GRID2IP: variants seen among roughly 807,000 people sequenced by gnomAD.
The protein encoded by GRID2IP is delphilin.
A neutral mutation model predicts 114.3 loss-of-function variants in GRID2IP; 78 were observed. That is an observed-to-expected ratio of 0.68 (90% CI 0.57 to 0.82). GRID2IP has a LOEUF of 0.82. Ranked by LOEUF, GRID2IP falls within the 40% of genes least tolerant of loss-of-function variation. The probability of loss-of-function intolerance (pLI) is 0.00; values close to 1 mark genes in which losing one functional copy is unlikely to be tolerated. For synonymous variants in GRID2IP, 809 were observed against 724.0 expected (o/e 1.12, Z -1.89); for missense variants, 1,727 against 1,678.5 (o/e 1.03, Z -0.51).
rs964427275 is a variant in GRID2IP at position 6,497,326 on chromosome 7, C to T, written c.*448G>A. 1.0e-4 allele frequency: 16 copies of T among 155,074 alleles called. No homozygotes were observed. Among genetic ancestry groups the T allele is most frequent in the Admixed American group, 4.5e-4 (7 of 15,408 alleles). The allele number at this position is 155,074 out of a possible 1,614,324, so 9.6% of individuals were successfully genotyped here. On this transcript the variant is annotated 3_prime_UTR_variant, in exon 22 of 22. Coordinates refer to ENST00000457091, the MANE Select transcript of GRID2IP (RefSeq NM_001145118.2). ...CACATCCCCAGGGCCCCTCTACATC[C>T]GGCTTTCTGCCCTCTCGCGTCTCGC...
In GRID2IP at chr7:6,526,408, C is replaced by T; in HGVS notation, c.834-99G>A. ...GTCCCTCTCCCCTTAACCTCTCCGG[C>T]CCCCTATGCACCCCAGATGCCCAGC... On this transcript the variant is annotated intron_variant, in intron 3 of 21. Transcript: ENST00000457091. The surrounding 1 kb of genome is among the most constrained non-coding windows in gnomAD (Gnocchi z 7.6). 2.1e-5 allele frequency: 31 copies of T among 1,508,464 alleles called. No homozygotes were observed. Among genetic ancestry groups the T allele is most frequent in the Non-Finnish European group, 2.8e-5 (31 of 1,118,818 alleles). The allele number at this position is 1,508,464 out of a possible 1,614,324, so 93.4% of individuals were successfully genotyped here. A position where few individuals can be genotyped will look rare whatever the true frequency, so the allele number is the denominator to read the frequency against.
chr7:6,535,657 G>A (rs1309237178), intron 2 of GRID2IP, among the ~76,000 whole-genome samples: 1 of 152,140 alleles, frequency 6.6e-6, no homozygotes, highest in Admixed American at 6.6e-5. Flanking sequence ...CTTGAGGCCA[G>A]GCCAACCTGG....
chr7:6,502,771 G>A lies in GRID2IP; in HGVS notation c.3150+15C>T, dbSNP rs989668743. 28 of 1,542,168 alleles carry A rather than the reference G, an allele frequency of 1.8e-5. No homozygotes were observed. The highest frequency in any genetic ancestry group is 7.8e-5 in the Admixed American group (4 of 50,972). On this transcript the variant is annotated intron_variant, in intron 18 of 21. Transcript: ENST00000457091. ...TAGAGCAAACCAGTCGATTGCTGCC[G>A]GCAGGTCCCCTCACCTCTGTCAGAA... is the stretch of plus-strand genomic sequence containing the variant.
rs377432495 is a variant in GRID2IP, at chr7:6,510,387, T to G, written c.1667A>C (p.Tyr556Ser). The change falls in exon 11 of 22, where the codon TAT (tyrosine) becomes TCT (serine). Residue 556 changes from tyrosine (Y) to serine (S), a missense_variant. Tyr to Ser is a moderately radical substitution (Grantham distance 144). Transcript: ENST00000457091. ...GTTCAGTCGAGACTCAAGCTCTGCA[T>G]AGACGGCTGACATCTGGAGGGAGAC... ...TPNPKMMSAV[Y>S]AELESRLNSS... The G allele has an allele frequency of 9.1e-5, 140 of 1,535,354 alleles. No individual in the cohort carries two copies. The highest frequency in any genetic ancestry group is 1.2e-4 in the Non-Finnish European group (133 of 1,138,530).
chr7:6,536,413 C>T lies in GRID2IP; in HGVS notation c.584+3305G>A, dbSNP rs1305172269. On this transcript the variant is annotated intron_variant, in intron 2 of 21. Transcript: ENST00000457091. This position sits in a 1 kb window ranked among gnomAD's most constrained non-coding sequence, Gnocchi z 5.3. Reference sequence around the variant, plus strand: ...ATCGAGCGCGCCCAAGGGGGTTCCCCCTCCCGCGCCCTGCCCGACCCGCTG... The same window carrying T: ...ATCGAGCGCGCCCAAGGGGGTTCCCTCTCCCGCGCCCTGCCCGACCCGCTG... Among the ~76,000 whole-genome samples, 1 of 152,254 alleles carries T rather than the reference C, an allele frequency of 6.6e-6. No individual in the cohort carries two copies. Among genetic ancestry groups the T allele is most frequent in the Non-Finnish European group, 1.5e-5 (1 of 68,034 alleles).
At chr7:6,531,954 A>G (rs1228998647) in intron 2 of GRID2IP, among the ~76,000 whole-genome samples, 10 of 152,148 alleles carry the variant, frequency 6.6e-5, no homozygotes, top group Admixed American at 6.5e-4. Flanking sequence ...CCAGGCTGCG[A>G]CAACACCCAG....
chr7:6,548,764 C>G (rs918634180), intron 1 of GRID2IP, among the ~76,000 whole-genome samples: 1 of 151,584 alleles, frequency 6.6e-6, no homozygotes, highest in Non-Finnish European at 1.5e-5. Flanking sequence ...ATCACTTGAA[C>G]CCAGGAGGTG....
At position 6,507,882 on chromosome 7, in the gene GRID2IP, A is replaced by T; in HGVS notation, c.2544+103T>A. On this transcript the variant is annotated intron_variant, in intron 13 of 21. Transcript: ENST00000457091. This position sits in a 1 kb window ranked among gnomAD's most constrained non-coding sequence, Gnocchi z 5.3. ...TACTCATCCTCTGCTTGGGGTAGGG[A>T]GGATGATGTTGGAAGATGCCTGGCC... 1 of 1,483,988 alleles carries T rather than the reference A, an allele frequency of 6.7e-7. No individual in the cohort carries two copies. The highest frequency in any genetic ancestry group is 9.0e-7 in the Non-Finnish European group (1 of 1,113,140). The allele number at this position is 1,483,988 out of a possible 1,614,324, so 91.9% of individuals were successfully genotyped here.
At position 6,539,707 on chromosome 7, in the gene GRID2IP, G is replaced by A. The variant is rs1234294975; in HGVS notation, c.584+11C>T. 2 of 1,541,592 alleles carry A rather than the reference G, an allele frequency of 1.3e-6. No individual in the cohort carries two copies. Among genetic ancestry groups the A allele is most frequent in the South Asian group, 1.2e-5 (1 of 83,224 alleles). On this transcript the variant is annotated intron_variant, in intron 2 of 21. Transcript: ENST00000457091. ...ACCCTGCCTGTCTATCCTGCCCCCT[G>A]CCCGCAGTACCTGAGGTTGTCCAGG...
chr7:6,541,996 G>C (rs531984614), intron 1 of GRID2IP, among the ~76,000 whole-genome samples: 20 of 152,174 alleles, frequency 1.3e-4, no homozygotes, highest in African/African-American at 4.8e-4. Flanking sequence ...GGCTATCTAG[G>C]CCAAAAACAA....
chr7:6,540,758 T>C (rs1160467442), intron 1 of GRID2IP, among the ~76,000 whole-genome samples: 1 of 148,054 alleles, frequency 6.8e-6, no homozygotes, highest in African/African-American at 2.5e-5. Context: ...CTCAAACTCC[T>C]GGCCTCAGGT....
At position 6,509,908 on chromosome 7, in the gene GRID2IP, A is replaced by T. The variant is rs1786717125; in HGVS notation, c.1771+375T>A. On this transcript the variant is annotated intron_variant, in intron 11 of 21. Coordinates refer to ENST00000457091, the MANE Select transcript of GRID2IP (RefSeq NM_001145118.2). The surrounding 1 kb of genome is among the most constrained non-coding windows in gnomAD (Gnocchi z 4.9). ...GCAGTGGTTCGAAATAGCTCACTGC[A>T]GCCTTGAACTCCTGGGCTCAAGTGA... Among the ~76,000 whole-genome samples the T allele has an allele frequency of 6.6e-6, 1 of 152,214 alleles. No homozygotes were observed. The highest frequency in any genetic ancestry group is 2.4e-5 in the African/African-American group (1 of 41,460).
chr7:6,522,797 C>T (rs1779436799), intron 4 of GRID2IP, among the ~76,000 whole-genome samples: 1 of 102,262 alleles, frequency 9.8e-6, no homozygotes, highest in South Asian at 2.9e-4. Context: ...AGCCACCATG[C>T]CTGGCTAATA....
At position 6,521,674 on chromosome 7, in the gene GRID2IP, T is replaced by A. The variant is rs893240088; in HGVS notation, c.990-151A>T. 2.6e-5 allele frequency among the ~76,000 whole-genome samples: 4 copies of A among 152,124 alleles called. No homozygotes were observed. The highest frequency in any genetic ancestry group is 6.5e-5 in the Admixed American group (1 of 15,274). ...CCCAGCATGGAGCTGGAGTATTTTCTGGTTGGAAGGATGAACTGAGGTCCT... is the reference window on the plus strand; with the variant it reads ...CCCAGCATGGAGCTGGAGTATTTTCAGGTTGGAAGGATGAACTGAGGTCCT... On this transcript the variant is annotated intron_variant, in intron 5 of 21. Transcript: ENST00000457091. The surrounding 1 kb of genome is among the most constrained non-coding windows in gnomAD (Gnocchi z 4.1).
Position 6,511,000 on chromosome 7 carries a change from G to A in GRID2IP, c.1463C>T (p.Thr488Met), listed in dbSNP as rs922017285. ...EPELDLESEP[T>M]PEPQPRSSLR... is the part of the protein sequence containing the mutation. ...GGAGCTCCGCGGCTGGGGCTCAGGC[G>A]TGGGCTCGGACTCCAGGTCCAGCTC... The change falls in exon 9 of 22, where the codon ACG becomes ATG. Residue 488 changes from threonine (T) to methionine (M), a missense_variant. Coordinates refer to ENST00000457091, the MANE Select transcript of GRID2IP (RefSeq NM_001145118.2). The A allele has an allele frequency of 2.0e-5, 30 of 1,520,904 alleles. 1 individual carries two copies. In the Middle Eastern group the frequency reaches 5.1e-4, roughly 26 times the overall value. The allele number at this position is 1,520,904 out of a possible 1,614,324, so 94.2% of individuals were successfully genotyped here. A position where few individuals can be genotyped will look rare whatever the true frequency, so the allele number is the denominator to read the frequency against.
At chr7:6,524,022 G>A (rs185961852) in intron 4 of GRID2IP, among the ~76,000 whole-genome samples, 27 of 152,292 alleles carry the variant, frequency 1.8e-4, no homozygotes, top group Non-Finnish European at 3.1e-4. Flanking sequence ...AGTTAGTGAT[G>A]CCCAAATCGG....
At position 6,510,939 on chromosome 7, in the gene GRID2IP, C is replaced by A; in HGVS notation, c.1524G>T (p.Arg508=). The part of the protein sequence containing the change: ...RASSMCRRSL[R]SQGLEAGLSC... ...TGAGGCCGGCCTCCAGGCCCTGGGACCGGAGGCTGCGGCGGCACATGGAGG... is the reference window on the plus strand; with the variant it reads ...TGAGGCCGGCCTCCAGGCCCTGGGAACGGAGGCTGCGGCGGCACATGGAGG... Residue 508 remains arginine, a synonymous_variant, in exon 9 of 22, where the codon CGG becomes CGT. Transcript: ENST00000457091. 1 of 1,549,386 alleles carries A rather than the reference C, an allele frequency of 6.5e-7. No individual in the cohort carries two copies. The highest frequency in any genetic ancestry group is 8.7e-7 in the Non-Finnish European group (1 of 1,145,836).
In GRID2IP at chr7:6,516,856, CCT is replaced by C. The variant is rs914266580; in HGVS notation, c.1269-2329_1269-2328del. On this transcript the variant is annotated intron_variant, in intron 7 of 21. Transcript: ENST00000457091. The surrounding 1 kb of genome is among the most constrained non-coding windows in gnomAD (Gnocchi z 4.3). ...TCAGCTACCAAATAGGGAAGGGCCC[CCT>C]GTCTGGCGGACACGTGACTCACATG... Among the ~76,000 whole-genome samples, 26 of 152,130 alleles carry C rather than the reference CCT, an allele frequency of 1.7e-4. No homozygotes were observed. The highest frequency in any genetic ancestry group is 4.6e-4 in the African/African-American group (19 of 41,422).
chr7:6,510,485 A>G, intron 10 of GRID2IP, 85 bp from the exon 11 acceptor site: 1 of 1,312,420 alleles, frequency 7.6e-7, no homozygotes, highest in Non-Finnish European at 1.0e-6. Flanking sequence ...GCCGGGAGGC[A>G]GGGATATGCC....
Sources: allele counts gnomAD v4.1 joint callset (sites outside exome capture counted in the v4.1 genomes callset), GRCh38; gene constraint gnomAD v4.1.1; non-coding constraint Gnocchi (gnomAD v3.1); transcripts MANE v1.5; gene names NCBI Gene and HGNC (gene_info 2026-07-23, HGNC 2026-07-21).